The following PCDHA12 variants were observed in gnomAD, a reference collection of about 807,000 sequenced individuals.
The protein encoded by PCDHA12 is protocadherin alpha-12.
In PCDHA12, 44 loss-of-function variants were observed where a neutral mutation model predicts 60.0. The ratio of observed to expected loss-of-function variants is 0.73; its 90% CI spans 0.58 to 0.94. The LOEUF (loss-of-function observed/expected upper bound fraction) is 0.94. PCDHA12 is among the 40% of genes least tolerant of loss of function. The pLI is 0.00. For missense variants in PCDHA12, 1,276 were observed against 1,239.7 expected (o/e 1.03, Z -0.44); for synonymous variants, 569 against 553.0 (o/e 1.03, Z -0.40).
At chr5:140,999,444 C>A (rs782553983) in intron 3 of PCDHA12, among the ~76,000 whole-genome samples, 25 of 152,210 alleles carry the variant, frequency 1.6e-4, no homozygotes, top group Non-Finnish European at 3.1e-4. Flanking sequence ...GCCTCTTATT[C>A]GTTCAACGAA....
At chr5:140,917,118 G>A (rs961408905) in intron 1 of PCDHA12, among the ~76,000 whole-genome samples, 2 of 152,106 alleles carry the variant, frequency 1.3e-5, no homozygotes, top group African/African-American at 2.4e-5. Context: ...CTCCAAGTGC[G>A]CAGACTCCCC....
intron 3 of PCDHA12, among the ~76,000 whole-genome samples, chr5:141,000,771 G>A (rs1318485268): frequency 2.0e-5 from 3 of 151,790 alleles, no homozygotes; most frequent in Non-Finnish European, 4.4e-5. Context: ...GCCAGGCATA[G>A]TGGCGCACAC....
chr5:141,009,709 C>T lies in PCDHA12; in HGVS notation c.2598C>T (p.Asn866=). The part of the protein sequence containing the change: ...NSWTFKYGPG[N]PKQSGPGELP... ...GGACCTTTAAATACGGACCAGGCAA[C>T]CCCAAACAATCCGGTCCCGGTGAGT... The change falls in exon 4 of 4, where the codon AAC becomes AAT. Residue 866 remains asparagine (N), a synonymous_variant. Coordinates refer to ENST00000398631, the MANE Select transcript of PCDHA12 (RefSeq NM_018903.4). 1 of 1,614,118 alleles carries T rather than the reference C, an allele frequency of 6.2e-7. No homozygotes were observed. Among genetic ancestry groups the T allele is most frequent in the Non-Finnish European group, 8.5e-7 (1 of 1,180,024 alleles).
chr5:140,973,863 T>C (rs868937124), intron 1 of PCDHA12, among the ~76,000 whole-genome samples: 1 of 152,224 alleles, frequency 6.6e-6, no homozygotes. Context: ...TTGCTCTCAA[T>C]GAGAGGTCAG....
chr5:140,975,516 G>T (rs1310855349), intron 1 of PCDHA12, among the ~76,000 whole-genome samples: 1 of 152,166 alleles, frequency 6.6e-6, no homozygotes, highest in Non-Finnish European at 1.5e-5. Flanking sequence ...TGCAAAATCT[G>T]CAGTGGATAT....
Position 140,923,938 on chromosome 5 carries a change from CT to C in PCDHA12, c.2367+46105del, listed in dbSNP as rs1340709876. 2.6e-5 allele frequency among the ~76,000 whole-genome samples: 4 copies of C among 152,122 alleles called. No homozygotes were observed. In the East Asian group the frequency reaches 7.7e-4, roughly 29 times the overall value. On this transcript the variant is annotated intron_variant, in intron 1 of 3. Coordinates refer to ENST00000398631, the MANE Select transcript of PCDHA12 (RefSeq NM_018903.4). ...ATACTGTTCTCTGTATGCATTTTTC[CT>C]TTTTTCCTCACGCCCTAATCTATAC... is the stretch of plus-strand genomic sequence containing the variant.
intron 1 of PCDHA12, among the ~76,000 whole-genome samples, chr5:140,942,869 T>C (rs971576222): frequency 6.6e-6 from 1 of 152,088 alleles, no homozygotes; most frequent in African/African-American, 2.4e-5. Context: ...TGCTTTAGCA[T>C]GACAACTTTT....
intron 1 of PCDHA12, among the ~76,000 whole-genome samples, chr5:140,911,305 T>C (rs1036239500): frequency 1.3e-5 from 2 of 152,186 alleles, no homozygotes; most frequent in Non-Finnish European, 2.9e-5. Context: ...CATATCCCCA[T>C]TCCAAGTTTC....
chr5:140,972,589 T>C (rs1258846206), intron 1 of PCDHA12, among the ~76,000 whole-genome samples: 2 of 152,074 alleles, frequency 1.3e-5, no homozygotes, highest in Non-Finnish European at 2.9e-5. Flanking sequence ...AGAATTTCTC[T>C]TTGGAAATTT....
chr5:140,954,885 T>C (rs1291095041), intron 1 of PCDHA12, among the ~76,000 whole-genome samples: 1 of 152,218 alleles, frequency 6.6e-6, no homozygotes, highest in Non-Finnish European at 1.5e-5. Context: ...GCTTTTCTTC[T>C]AGGGTTTTTA....
At chr5:140,948,865 C>T (rs1358865868) in intron 1 of PCDHA12, among the ~76,000 whole-genome samples, 4 of 151,324 alleles carry the variant, frequency 2.6e-5, no homozygotes, top group African/African-American at 4.8e-5. Flanking sequence ...TATATTACTT[C>T]GGGTTTACTT....
Position 140,883,115 on chromosome 5 carries a change from AGGCCTGTAT to A in PCDHA12, c.2367+5283_2367+5291del, listed in dbSNP as rs2059447979. The A allele has an allele frequency of 1.9e-6, 3 of 1,613,978 alleles. No homozygotes were observed. The South Asian group carries it at 3.3e-5, about 18-fold the overall frequency. ...TGGAGATATAGTTTACTCATTTAGA[AGGCCTGTAT>A]GGCCTGCAGTGGTATATGCATTTAC... On this transcript the variant is annotated intron_variant, in intron 1 of 3. Transcript: ENST00000398631.
At chr5:140,985,373 C>T (rs1228293287) in intron 3 of PCDHA12, among the ~76,000 whole-genome samples, 1 of 152,106 alleles carries the variant, frequency 6.6e-6, no homozygotes, top group Non-Finnish European at 1.5e-5. Flanking sequence ...TTATCTGGGT[C>T]TATATAATCC....
At chr5:140,970,554 G>A (rs72802985) in intron 1 of PCDHA12, among the ~76,000 whole-genome samples, 7,177 of 152,136 alleles carry the variant, frequency 0.047, 194 homozygotes, top group Non-Finnish European at 0.062. Context: ...TTGTGTGTTC[G>A]TCTCCATATG....
Position 140,884,686 on chromosome 5 carries a change from G to C in PCDHA12, c.2367+6847G>C, listed in dbSNP as rs376199469. 72 of 1,538,980 alleles carry C rather than the reference G, an allele frequency of 4.7e-5. No homozygotes were observed. The African/African-American group carries it at 8.7e-4, about 19-fold the overall frequency. ...AGGTAAGCTTATATTTTAAAAAATT[G>C]TCTTAGTAAACACTTTAGCCTTCCT... On this transcript the variant is annotated intron_variant, in intron 1 of 3. Transcript: ENST00000398631.
At chr5:140,921,615 C>A (rs977929420) in intron 1 of PCDHA12, among the ~76,000 whole-genome samples, 13 of 152,090 alleles carry the variant, frequency 8.5e-5, no homozygotes, top group Non-Finnish European at 1.5e-4. Flanking sequence ...AGAAAAATAT[C>A]ATCAGATCAT....
In PCDHA12 at chr5:140,875,792, A is replaced by G; in HGVS notation, c.320A>G (p.Glu107Gly). 6.2e-7 allele frequency: 1 copy of G among 1,614,116 alleles called. No individual in the cohort carries two copies. The highest frequency in any genetic ancestry group is 2.2e-5 in the East Asian group (1 of 44,878). Residue 107 changes from glutamate (E) to glycine (G), a missense_variant, in exon 1 of 4, where the codon GAG (glutamate) becomes GGG (glycine). Glu to Gly is a moderately conservative substitution (Grantham distance 98). Coordinates refer to ENST00000398631, the MANE Select transcript of PCDHA12 (RefSeq NM_018903.4). ...GRSAECSIHLEVIVDRPLQVF... is the reference protein window; with the variant it reads ...GRSAECSIHLGVIVDRPLQVF... ...AGCGCGGAGTGCAGTATCCACCTGG[A>G]GGTGATCGTGGACAGGCCGCTGCAG...
At chr5:140,969,638 G>A (rs1461834971) in intron 1 of PCDHA12, 1 of 210,658 alleles carries the variant, frequency 4.7e-6, no homozygotes, top group African/African-American at 2.4e-5. Context: ...ACAGGCCTTG[G>A]AATAGGGATT....
chr5:140,960,708 T>C (rs578004240), intron 1 of PCDHA12, among the ~76,000 whole-genome samples: 1 of 152,142 alleles, frequency 6.6e-6, no homozygotes, highest in Non-Finnish European at 1.5e-5. Context: ...TAGTGCCAAA[T>C]ACTCATCTTA....
Sources: allele counts gnomAD v4.1 joint callset (sites outside exome capture counted in the v4.1 genomes callset), GRCh38; gene constraint gnomAD v4.1.1; transcripts MANE v1.5; gene names NCBI Gene and HGNC (gene_info 2026-07-23, HGNC 2026-07-21).